PDSS2: variants seen among roughly 807,000 people sequenced by gnomAD.
PDSS2 encodes decaprenyl diphosphate synthase subunit 2.
PDSS2 carries 31 observed loss-of-function variants against 44.5 expected under a neutral mutation model. The ratio of observed to expected loss-of-function variants is 0.70; its 90% CI spans 0.52 to 0.94. The LOEUF (loss-of-function observed/expected upper bound fraction) is 0.94. Among genes scored for constraint, PDSS2 ranks in the 40% least tolerant of loss-of-function variants. The pLI is 0.00. For missense variants in PDSS2, 452 were observed against 482.2 expected (o/e 0.94, Z 0.59); for synonymous variants, 157 against 180.3 (o/e 0.87, Z 1.03).
At chr6:107,252,521 T>C (rs1388946823) in intron 3 of PDSS2, among the ~76,000 whole-genome samples, 1 of 152,206 alleles carries the variant, frequency 6.6e-6, no homozygotes, top group Non-Finnish European at 1.5e-5. Context: ...CTAAGCAAAT[T>C]GATAATCTTA....
intron 1 of PDSS2, among the ~76,000 whole-genome samples, chr6:107,439,670 T>C (rs1328694926): frequency 2.0e-5 from 3 of 152,190 alleles, no homozygotes; most frequent in African/African-American, 7.2e-5. Context: ...AGCCTCCTTG[T>C]GAGAAGCACT....
chr6:107,271,803 C>G (rs1162652682), intron 3 of PDSS2, among the ~76,000 whole-genome samples: 4 of 152,026 alleles, frequency 2.6e-5, no homozygotes, highest in African/African-American at 9.7e-5. Context: ...GCCTGTAATC[C>G]CAGCACTTTG....
intron 1 of PDSS2, among the ~76,000 whole-genome samples, chr6:107,363,646 G>C (rs575823065): frequency 6.6e-6 from 1 of 152,182 alleles, no homozygotes; most frequent in African/African-American, 2.4e-5. Context: ...AAGCTCCCAC[G>C]GTGTGGAAGG....
rs536295322 is a variant in PDSS2, at chr6:107,174,757, C to A, written c.1041+19065G>T. On this transcript the variant is annotated intron_variant, in intron 7 of 7. Transcript: ENST00000369037. ...TTAATCTGACAAAACTAGAAAGAGA[C>A]AAAGAGAATTTTAAATAGATTTCTC... 2.6e-5 allele frequency among the ~76,000 whole-genome samples: 4 copies of A among 152,098 alleles called. No individual in the cohort carries two copies. The South Asian group carries it at 6.2e-4, about 24-fold the overall frequency.
intron 3 of PDSS2, among the ~76,000 whole-genome samples, chr6:107,266,851 A>T (rs2114910244): frequency 6.6e-6 from 1 of 152,326 alleles, no homozygotes; most frequent in South Asian, 2.1e-4. Flanking sequence ...TGGATTTCAC[A>T]GGCTGTGAAT....
In PDSS2 at chr6:107,342,408, G is replaced by A. The variant is rs536808708; in HGVS notation, c.297-8076C>T. 9.2e-5 allele frequency among the ~76,000 whole-genome samples: 14 copies of A among 152,188 alleles called. No homozygotes were observed. In the South Asian group the frequency reaches 2.9e-3, roughly 32 times the overall value. ...AAATTGTAGTAAGTTCTTTGAAAGT[G>A]ACAGGCACACACAAGAAAAGCCCCA... On this transcript the variant is annotated intron_variant, in intron 1 of 7. Transcript: ENST00000369037.
chr6:107,342,192 A>G (rs1484833313), intron 1 of PDSS2, among the ~76,000 whole-genome samples: 1 of 152,092 alleles, frequency 6.6e-6, no homozygotes, highest in Non-Finnish European at 1.5e-5. Context: ...GTTCTAAAAA[A>G]AAAAAAAAAA....
At chr6:107,444,943 G>A (rs319081) in intron 1 of PDSS2, among the ~76,000 whole-genome samples, 117,988 of 152,062 alleles carry the variant, frequency 0.78, 46,098 homozygotes, top group Non-Finnish European at 0.83. Context: ...AAAAGCAAAA[G>A]GAGTATTTAA....
intron 1 of PDSS2, among the ~76,000 whole-genome samples, chr6:107,423,545 C>A (rs1780893710): frequency 6.6e-6 from 1 of 152,076 alleles, no homozygotes; most frequent in African/African-American, 2.4e-5. Context: ...CTGTTATTTC[C>A]CTCAGTTAAA....
At chr6:107,380,505 G>C (rs570554191) in intron 1 of PDSS2, among the ~76,000 whole-genome samples, 1 of 152,238 alleles carries the variant, frequency 6.6e-6, no homozygotes, top group Non-Finnish European at 1.5e-5. Context: ...CTTTCCCCTT[G>C]CCAAATGCAT....
In PDSS2 at chr6:107,182,499, A is replaced by G. The variant is rs572146055; in HGVS notation, c.1041+11323T>C. Among the ~76,000 whole-genome samples, 6 of 152,138 alleles carry G rather than the reference A, an allele frequency of 3.9e-5. No homozygotes were observed. In the East Asian group the frequency reaches 1.2e-3, roughly 29 times the overall value. On this transcript the variant is annotated intron_variant, in intron 7 of 7. Transcript: ENST00000369037. ...GCCACCACACCAGGCTAATTTTTGTATCTGTAGTAGAGACGGGGTTTTGCC... is the reference window on the plus strand; with the variant it reads ...GCCACCACACCAGGCTAATTTTTGTGTCTGTAGTAGAGACGGGGTTTTGCC...
intron 7 of PDSS2, among the ~76,000 whole-genome samples, chr6:107,187,170 C>T (rs921611936): frequency 5.3e-5 from 8 of 152,096 alleles, no homozygotes; most frequent in African/African-American, 1.9e-4. Flanking sequence ...TCTTTCTTCT[C>T]TATGTTACTT....
At chr6:107,304,858 G>A (rs547902261) in intron 2 of PDSS2, among the ~76,000 whole-genome samples, 6 of 151,752 alleles carry the variant, frequency 4.0e-5, no homozygotes, top group African/African-American at 9.7e-5. Context: ...TCCATTATAC[G>A]ACCACAGGCA....
chr6:107,158,184 TTC>T (rs1464282275), intron 7 of PDSS2, among the ~76,000 whole-genome samples: 1 of 126,930 alleles, frequency 7.9e-6, no homozygotes, highest in Non-Finnish European at 1.7e-5. Flanking sequence ...CAGGTTTTCT[TTC>T]TTTTTTTTTT....
intron 4 of PDSS2, among the ~76,000 whole-genome samples, chr6:107,230,817 T>C (rs1199998859): frequency 1.3e-5 from 2 of 152,168 alleles, no homozygotes; most frequent in Non-Finnish European, 2.9e-5. Flanking sequence ...AGGGCATGAA[T>C]GTGTACATAA....
At chr6:107,242,588 G>C (rs374680178) in intron 4 of PDSS2, among the ~76,000 whole-genome samples, 78 of 152,230 alleles carry the variant, frequency 5.1e-4, no homozygotes, top group African/African-American at 1.8e-3. Context: ...TGTCACCCAG[G>C]CTGGAGTACA....
chr6:107,283,426 TAGG>T (rs1323503474), intron 2 of PDSS2, among the ~76,000 whole-genome samples: 1 of 152,058 alleles, frequency 6.6e-6, no homozygotes, highest in Non-Finnish European at 1.5e-5. Context: ...GATGTTAAAA[TAGG>T]AGAAGAATTG....
intron 1 of PDSS2, among the ~76,000 whole-genome samples, chr6:107,338,022 A>C (rs1252259597): frequency 6.6e-6 from 1 of 152,208 alleles, no homozygotes; most frequent in Non-Finnish European, 1.5e-5. Context: ...TAACAGCTTG[A>C]GTAAATTAAA....
intron 1 of PDSS2, among the ~76,000 whole-genome samples, chr6:107,444,806 G>A (rs986725736): frequency 1.3e-5 from 2 of 152,100 alleles, no homozygotes; most frequent in Non-Finnish European, 2.9e-5. Context: ...GGAACATAAA[G>A]TCCCTACAAA....
Sources: allele counts gnomAD v4.1 joint callset (sites outside exome capture counted in the v4.1 genomes callset), GRCh38; gene constraint gnomAD v4.1.1; transcripts MANE v1.5; gene names NCBI Gene and HGNC (gene_info 2026-07-23, HGNC 2026-07-21).